The following SCEL variants were observed in gnomAD, a reference collection of about 807,000 sequenced individuals.
The protein encoded by SCEL is sciellin.
A neutral mutation model predicts 117.6 loss-of-function variants in SCEL; 113 were observed. The ratio of observed to expected loss-of-function variants is 0.96; its 90% CI spans 0.83 to 1.12. The LOEUF (loss-of-function observed/expected upper bound fraction) is 1.12. Ranked by LOEUF, SCEL falls within the 50% of genes most tolerant of loss-of-function variation. SCEL has a pLI of 0.00. For synonymous variants in SCEL, 270 were observed against 256.2 expected (o/e 1.05, Z -0.51); for missense variants, 785 against 810.8 (o/e 0.97, Z 0.39).
At chr13:77,627,299 T>C (rs2089788865) in intron 27 of SCEL, among the ~76,000 whole-genome samples, 1 of 152,204 alleles carries the variant, frequency 6.6e-6, no homozygotes, top group Non-Finnish European at 1.5e-5. Flanking sequence ...GCAGGACTTT[T>C]GTGAGATCTG....
chr13:77,569,249 A>G, intron 7 of SCEL, 122 bp from the exon 8 acceptor site: 1 of 719,658 alleles, frequency 1.4e-6, no homozygotes, highest in Non-Finnish European at 2.3e-6. Context: ...TCTATCCCCA[A>G]GTGAAACATT....
At chr13:77,633,462 A>AAAAAG in intron 28 of SCEL, among the ~76,000 whole-genome samples, 1 of 144,802 alleles carries the variant, frequency 6.9e-6, no homozygotes, top group African/African-American at 2.6e-5. Flanking sequence ...AAAAAAAAAA[A>AAAAAG]AAAAGAAGCC....
rs941837110 is a variant in SCEL at position 77,599,701 on chromosome 13, T to G, written c.870T>G (p.Leu290=). Residue 290 remains leucine, a synonymous_variant, in exon 15 of 33, where the codon CTT becomes CTG. Transcript: ENST00000349847. ...TTTGTGTTTTCAGAGCCAAAAGCCT[T>G]GAAAGTCTCATCTATATGAGTACCC... ...VEEREKRAKS[L]ESLIYMSTRT... 7 of 1,611,442 alleles carry G rather than the reference T, an allele frequency of 4.3e-6. No homozygotes were observed. The African/African-American group carries it at 9.3e-5, about 22-fold the overall frequency.
chr13:77,619,606 T>G (rs192772082), intron 27 of SCEL, among the ~76,000 whole-genome samples: 1 of 152,084 alleles, frequency 6.6e-6, no homozygotes, highest in African/African-American at 2.4e-5. Context: ...AAAATGACAG[T>G]GAGGAAAGAA....
chr13:77,588,739 A>G lies in SCEL; in HGVS notation c.546-405A>G, dbSNP rs1398876054. ...ATTAAAGCCTTTTCTTGCTGTTTCCATAGCAGCCTGATAGTTGACATAATC... is the reference window on the plus strand; with the variant it reads ...ATTAAAGCCTTTTCTTGCTGTTTCCGTAGCAGCCTGATAGTTGACATAATC... On this transcript the variant is annotated intron_variant, in intron 9 of 32. Coordinates refer to ENST00000349847, the MANE Select transcript of SCEL (RefSeq NM_144777.3). 5.3e-5 allele frequency among the ~76,000 whole-genome samples: 8 copies of G among 152,286 alleles called. No homozygotes were observed. In the South Asian group the frequency reaches 1.0e-3, roughly 20 times the overall value.
At chr13:77,604,132 A>G (rs1338061805) in intron 18 of SCEL, 4 of 350,832 alleles carry the variant, frequency 1.1e-5, no homozygotes, top group Non-Finnish European at 2.0e-5. Flanking sequence ...AGGTATTCTG[A>G]GAACAAAACA....
chr13:77,556,506 C>A, intron 2 of SCEL, 90 bp from the exon 3 acceptor site: 1 of 1,020,826 alleles, frequency 9.8e-7, no homozygotes, highest in Non-Finnish European at 1.5e-6. Flanking sequence ...GCTGGCCAAT[C>A]AGATGTGCCT....
intron 28 of SCEL, among the ~76,000 whole-genome samples, chr13:77,630,414 T>C (rs1197188797): frequency 6.6e-6 from 1 of 152,194 alleles, no homozygotes; most frequent in African/African-American, 2.4e-5. Flanking sequence ...CAATTTTGTT[T>C]ATCTATTCAT....
At chr13:77,569,488 CA>C in intron 8 of SCEL, 37 bp downstream of exon 8, 2 of 1,500,514 alleles carry the variant, frequency 1.3e-6, no homozygotes, top group Non-Finnish European at 1.9e-6. Context: ...CTTGCTGATA[CA>C]CTATGAAAGA....
chr13:77,638,590 G>T (rs375980746), intron 30 of SCEL, among the ~76,000 whole-genome samples: 1 of 152,152 alleles, frequency 6.6e-6, no homozygotes, highest in South Asian at 2.1e-4. Flanking sequence ...AGTCATCAGC[G>T]CAGAAGTCAG....
intron 27 of SCEL, among the ~76,000 whole-genome samples, chr13:77,622,377 G>A (rs1470716189): frequency 6.6e-6 from 1 of 152,186 alleles, no homozygotes; most frequent in Admixed American, 6.5e-5. Context: ...TATATAGTAA[G>A]AGACATAATT....
chr13:77,602,817 T>A, intron 17 of SCEL, 104 bp downstream of exon 17: 2 of 957,702 alleles, frequency 2.1e-6, no homozygotes, highest in Non-Finnish European at 3.3e-6. Context: ...CTTCTGTGTC[T>A]AATCCCTGGT....
intron 1 of SCEL, among the ~76,000 whole-genome samples, chr13:77,546,863 A>G (rs1415086502): frequency 6.6e-6 from 1 of 152,104 alleles, no homozygotes; most frequent in Non-Finnish European, 1.5e-5. Context: ...TTTAGTCCCT[A>G]TGATTGCCCA....
intron 11 of SCEL, 116 bp downstream of exon 11, chr13:77,591,576 C>T: frequency 1.6e-6 from 1 of 632,190 alleles, no homozygotes; most frequent in South Asian, 2.2e-5. Flanking sequence ...AGTTTTCCAA[C>T]TGACTCCAAA....
chr13:77,634,317 C>T (rs1190546589), intron 28 of SCEL, 62 bp from the exon 29 acceptor site: 1 of 1,300,090 alleles, frequency 7.7e-7, no homozygotes, highest in Non-Finnish European at 1.1e-6. Context: ...TAGAAAATAG[C>T]CTTGTTTTTA....
At chr13:77,539,160 C>T (rs1015810342) in intron 1 of SCEL, among the ~76,000 whole-genome samples, 12 of 151,960 alleles carry the variant, frequency 7.9e-5, no homozygotes, top group Non-Finnish European at 1.3e-4. Flanking sequence ...TGTGGACAAA[C>T]GGTGACATGT....
chr13:77,582,650 A>C (rs917546137), intron 9 of SCEL, among the ~76,000 whole-genome samples: 1 of 152,058 alleles, frequency 6.6e-6, no homozygotes, highest in African/African-American at 2.4e-5. Flanking sequence ...AATAGCAAAT[A>C]TTTTTTCCAG....
chr13:77,593,305 T>TGC (rs2087024303), intron 11 of SCEL, among the ~76,000 whole-genome samples: 1 of 118,530 alleles, frequency 8.4e-6, no homozygotes, highest in African/African-American at 3.2e-5. Flanking sequence ...TGTCTGTGTG[T>TGC]GTGTGTGTGT....
chr13:77,557,698 T>C (rs1349198740), intron 3 of SCEL, among the ~76,000 whole-genome samples: 2 of 152,172 alleles, frequency 1.3e-5, no homozygotes, highest in Admixed American at 1.3e-4. Flanking sequence ...GACATTTTTG[T>C]TGTTAAAATT....
Sources: gnomAD v4.1 joint callset for allele counts (sites outside exome capture counted in the v4.1 genomes callset) on GRCh38, gnomAD v4.1.1 for gene constraint, MANE v1.5 for transcripts, NCBI Gene and HGNC (gene_info 2026-07-23, HGNC 2026-07-21) for gene names.